Variants in DIAPH2 observed in about 807,000 individuals in gnomAD.
DIAPH2 encodes the protein protein diaphanous homolog 2.
A neutral mutation model predicts 92.7 loss-of-function variants in DIAPH2; 35 were observed. That is an observed-to-expected ratio of 0.38 (90% CI 0.29 to 0.50). The LOEUF (loss-of-function observed/expected upper bound fraction) is 0.50, where lower values mean the gene tolerates loss of function less well. Ranked by LOEUF, DIAPH2 falls within the 20% of genes least tolerant of loss-of-function variation. The pLI is 0.94. For missense variants in DIAPH2, 701 were observed against 819.5 expected (o/e 0.86, Z 1.77); for synonymous variants, 301 against 280.4 (o/e 1.07, Z -0.73).
At position 97,573,680 on chromosome X, in the gene DIAPH2, G is replaced by A. The variant is rs755007197; in HGVS notation, c.3242-25573G>A. 3.9e-5 allele frequency among the ~76,000 whole-genome samples: 4 copies of A among 103,200 alleles called. No individual in the cohort carries two copies. The South Asian group carries it at 1.8e-3, about 47-fold the overall frequency. 89.6% of individuals were successfully genotyped at this position (103,200 alleles called of 115,157 possible). A position where few individuals can be genotyped will look rare whatever the true frequency, so the allele number is the denominator to read the frequency against. ...TGTTTTTTTTTTTGTTTTTTTTTGA[G>A]GTGGAGTTTCACTCTTATTGCCCAG... On this transcript the variant is annotated intron_variant, in intron 26 of 26. Transcript: ENST00000324765.
At chrX:96,919,662 A>G (rs2065528304) in intron 9 of DIAPH2, among the ~76,000 whole-genome samples, 1 of 111,134 alleles carries the variant, frequency 9.0e-6, no homozygotes, top group African/African-American at 3.3e-5. Flanking sequence ...TATTTTATGT[A>G]TTATGAAGTA....
At chrX:97,434,173 G>C (rs776942433) in intron 26 of DIAPH2, among the ~76,000 whole-genome samples, 3 of 111,616 alleles carry the variant, frequency 2.7e-5, no homozygotes, top group Non-Finnish European at 5.6e-5. Flanking sequence ...GCTTGAATGA[G>C]AGACTAAGGT....
chrX:97,085,613 C>T (rs2066777578), intron 19 of DIAPH2, among the ~76,000 whole-genome samples: 1 of 110,381 alleles, frequency 9.1e-6, no homozygotes, highest in Admixed American at 9.7e-5. Flanking sequence ...GATGGGGTTT[C>T]GCCATGTTAG....
intron 9 of DIAPH2, among the ~76,000 whole-genome samples, chrX:96,924,508 T>C (rs955821467): frequency 9.0e-6 from 1 of 111,556 alleles, no homozygotes; most frequent in Non-Finnish European, 1.9e-5. Context: ...GTCATTATAT[T>C]AGCTTCCTCA....
chrX:97,064,927 C>T (rs1489719828), intron 17 of DIAPH2, among the ~76,000 whole-genome samples: 2 of 110,858 alleles, frequency 1.8e-5, no homozygotes, highest in Non-Finnish European at 3.8e-5. Context: ...TCTTACTCAG[C>T]AAGGTTAATG....
At chrX:97,305,824 C>CAAAAAAAAAAAAA (rs754094514) in intron 23 of DIAPH2, among the ~76,000 whole-genome samples, 5 of 49,198 alleles carry the variant, frequency 1.0e-4, no homozygotes, top group African/African-American at 3.7e-4. Context: ...ACTCCTTCTC[C>CAAAAAAAAAAAAA]AAAAAAAAAA....
chrX:96,797,650 GCC>G (rs2064550792), intron 4 of DIAPH2, among the ~76,000 whole-genome samples: 1 of 111,605 alleles, frequency 9.0e-6, no homozygotes, highest in Non-Finnish European at 1.9e-5. Flanking sequence ...AGGGGGAGGT[GCC>G]ACACACTTTA....
chrX:96,713,449 C>T (rs2063931222), intron 1 of DIAPH2, among the ~76,000 whole-genome samples: 1 of 111,514 alleles, frequency 9.0e-6, no homozygotes, highest in Admixed American at 9.6e-5. Context: ...TGACATCCTA[C>T]ACCACAGTGA....
At position 96,881,725 on chromosome X, in the gene DIAPH2, C is replaced by T. The variant is rs747305995; in HGVS notation, c.587+7C>T. ...TAACCAGCAATCCGGTCAGGTAAGT[C>T]GTTCTTATCATTTCGGTATGATTCA... On this transcript the variant is annotated splice_region_variant and intron_variant, in intron 5 of 26. Coordinates refer to ENST00000324765, the MANE Select transcript of DIAPH2 (RefSeq NM_006729.5). 11 of 1,201,193 alleles carry T rather than the reference C, an allele frequency of 9.2e-6. No individual in the cohort carries two copies. The highest frequency in any genetic ancestry group is 1.1e-5 in the Non-Finnish European group (10 of 891,082).
At chrX:96,735,984 C>A (rs781316601) in intron 2 of DIAPH2, among the ~76,000 whole-genome samples, 194 bp downstream of exon 2, 104 of 112,080 alleles carry the variant, frequency 9.3e-4, no homozygotes, top group African/African-American at 3.2e-3. Context: ...GAGATCCCAA[C>A]AGAATTTTCA....
chrX:97,325,232 C>A (rs1330150731), intron 23 of DIAPH2, among the ~76,000 whole-genome samples: 4 of 112,227 alleles, frequency 3.6e-5, no homozygotes, highest in Non-Finnish European at 7.5e-5. Flanking sequence ...TGTCCACTGC[C>A]TGCGTGTGGA....
At chrX:96,809,598 A>G (rs773631865) in intron 4 of DIAPH2, among the ~76,000 whole-genome samples, 1 of 108,594 alleles carries the variant, frequency 9.2e-6, no homozygotes, top group Non-Finnish European at 1.9e-5. Context: ...TACATGTGCC[A>G]TGTTGGTTTG....
chrX:97,588,551 T>G (rs1162646441), intron 26 of DIAPH2, among the ~76,000 whole-genome samples: 1 of 111,080 alleles, frequency 9.0e-6, no homozygotes. Context: ...TCCTATTTTT[T>G]CTGGATTTTT....
chrX:96,840,269 T>C (rs927488585), intron 4 of DIAPH2, among the ~76,000 whole-genome samples: 2 of 111,993 alleles, frequency 1.8e-5, no homozygotes, highest in Non-Finnish European at 3.8e-5. Context: ...CCTGTATCCC[T>C]GATGATATGG....
intron 21 of DIAPH2, among the ~76,000 whole-genome samples, chrX:97,140,127 T>G (rs1054907919): frequency 1.8e-5 from 2 of 111,930 alleles, no homozygotes; most frequent in African/African-American, 6.5e-5. Context: ...CCTGCAATTT[T>G]TTCTAAGCAC....
chrX:97,284,373 G>A lies in DIAPH2; in HGVS notation c.2844+36534G>A, dbSNP rs766460647. On this transcript the variant is annotated intron_variant, in intron 23 of 26. Transcript: ENST00000324765. Reference sequence around the variant, plus strand: ...TGCCTGTAATCCCAGCACTTTGGGAGGCTGAGGTGGGTGGATCACCTGAGG... The same window carrying A: ...TGCCTGTAATCCCAGCACTTTGGGAAGCTGAGGTGGGTGGATCACCTGAGG... 7.2e-5 allele frequency among the ~76,000 whole-genome samples: 8 copies of A among 111,152 alleles called. No homozygotes were observed. In the South Asian group the frequency reaches 3.0e-3, roughly 42 times the overall value.
intron 4 of DIAPH2, among the ~76,000 whole-genome samples, chrX:96,771,302 A>G (rs937717118): frequency 1.8e-5 from 2 of 111,641 alleles, no homozygotes; most frequent in African/African-American, 3.3e-5. Flanking sequence ...TTCATGTATG[A>G]TTTTGCATCA....
At chrX:97,069,014 A>G (rs894437947) in intron 17 of DIAPH2, among the ~76,000 whole-genome samples, 1 of 111,036 alleles carries the variant, frequency 9.0e-6, no homozygotes, top group Non-Finnish European at 1.9e-5. Context: ...CCAGGCTGGA[A>G]TGCAGTGGCG....
intron 19 of DIAPH2, among the ~76,000 whole-genome samples, chrX:97,094,455 A>G (rs187990391): frequency 1.8e-5 from 2 of 112,099 alleles, no homozygotes; most frequent in East Asian, 5.6e-4. Context: ...TCGATTTTCA[A>G]TGCTTGTGTG....
Sources: allele counts gnomAD v4.1 joint callset (sites outside exome capture counted in the v4.1 genomes callset), GRCh38; gene constraint gnomAD v4.1.1; transcripts MANE v1.5; gene names NCBI Gene and HGNC (gene_info 2026-07-23, HGNC 2026-07-21).